SIL1: variants seen among roughly 807,000 people sequenced by gnomAD.
SIL1 encodes nucleotide exchange factor SIL1.
SIL1 carries 40 observed loss-of-function variants against 49.1 expected under a neutral mutation model. That is an observed-to-expected ratio of 0.81 (90% CI 0.63 to 1.06). The LOEUF is 1.06. Ranked by LOEUF, SIL1 falls within the 50% of genes least tolerant of loss-of-function variation. The pLI, the probability that SIL1 is intolerant of heterozygous loss-of-function variation, is 0.00. For missense variants in SIL1, 500 were observed against 572.6 expected (o/e 0.87, Z 1.29); for synonymous variants, 253 against 250.8 (o/e 1.01, Z -0.08).
intron 3 of SIL1, among the ~76,000 whole-genome samples, chr5:139,059,305 C>T (rs1218249829): frequency 1.3e-5 from 2 of 152,112 alleles, no homozygotes; most frequent in Admixed American, 6.5e-5. Context: ...TTCCCCTGCA[C>T]ACGCTCTCTT....
intron 1 of SIL1, among the ~76,000 whole-genome samples, chr5:139,143,234 CAT>C (rs1208789911): frequency 7.7e-6 from 1 of 129,114 alleles, no homozygotes; most frequent in Non-Finnish European, 1.5e-5. Flanking sequence ...AATGTATATA[CAT>C]ATATGTATAT....
chr5:139,152,858 A>G (rs913253033), intron 1 of SIL1, among the ~76,000 whole-genome samples: 3 of 152,126 alleles, frequency 2.0e-5, no homozygotes, highest in Non-Finnish European at 4.4e-5. Flanking sequence ...CTTGTTGCCC[A>G]GGCTAGAGTG....
At chr5:139,157,536 C>A (rs1348596339) in intron 1 of SIL1, among the ~76,000 whole-genome samples, 1 of 152,162 alleles carries the variant, frequency 6.6e-6, no homozygotes, top group Non-Finnish European at 1.5e-5. Context: ...CTCAAGTTAA[C>A]CAATTCTGGA....
Position 139,161,015 on chromosome 5 carries a change from G to C in SIL1, c.-10-33162C>G, listed in dbSNP as rs139880200. Among the ~76,000 whole-genome samples the C allele has an allele frequency of 8.3e-3, 1,266 of 152,172 alleles. 20 individuals carry two copies. Among genetic ancestry groups the C allele is most frequent in the African/African-American group, 0.029 (1,203 of 41,510 alleles). On this transcript the variant is annotated intron_variant, in intron 1 of 9. Transcript: ENST00000394817. ...TCCCAGCAATTTGGGAGGCTGAGGC[G>C]GGTGGATCACCTGAGGTCAGGAGTT...
intron 1 of SIL1, among the ~76,000 whole-genome samples, chr5:139,143,214 TACACATA>T (rs1453091373): frequency 6.8e-6 from 1 of 147,182 alleles, no homozygotes; most frequent in East Asian, 1.9e-4. Context: ...TATGTGTATA[TACACATA>T]TAAATGTATA....
intron 1 of SIL1, among the ~76,000 whole-genome samples, chr5:139,160,198 C>A (rs879445270): frequency 4.7e-5 from 7 of 149,400 alleles, no homozygotes; most frequent in Admixed American, 1.3e-4. Context: ...AAAGTTATAG[C>A]CTGGAGGAGT....
chr5:139,099,923 AAG>A (rs1335232783), intron 3 of SIL1, among the ~76,000 whole-genome samples: 1 of 152,188 alleles, frequency 6.6e-6, no homozygotes, highest in Non-Finnish European at 1.5e-5. Context: ...AAATAACTAA[AAG>A]AGTATAACTG....
At chr5:139,070,516 G>T (rs1298384128) in intron 3 of SIL1, among the ~76,000 whole-genome samples, 2 of 152,128 alleles carry the variant, frequency 1.3e-5, no homozygotes, top group Non-Finnish European at 2.9e-5. Context: ...ACTTCTTAGA[G>T]AAACAGCTAA....
chr5:139,065,016 G>A (rs959231663), intron 3 of SIL1, among the ~76,000 whole-genome samples: 2 of 152,184 alleles, frequency 1.3e-5, no homozygotes, highest in African/African-American at 4.8e-5. Context: ...AAAGACCAGG[G>A]CCATGCCATG....
intron 7 of SIL1, among the ~76,000 whole-genome samples, chr5:138,988,416 G>A (rs911380020): frequency 6.6e-6 from 1 of 152,182 alleles, no homozygotes; most frequent in Non-Finnish European, 1.5e-5. Flanking sequence ...GATGTTTTGT[G>A]AGTCATATTG....
chr5:139,044,671 T>C (rs776685255), intron 4 of SIL1, among the ~76,000 whole-genome samples: 1 of 152,174 alleles, frequency 6.6e-6, no homozygotes, highest in Admixed American at 6.5e-5. Flanking sequence ...TTAAACTTAG[T>C]TCCAGATCGC....
chr5:139,195,791 C>T (rs1420451940), intron 1 of SIL1, among the ~76,000 whole-genome samples: 1 of 152,184 alleles, frequency 6.6e-6, no homozygotes, highest in Non-Finnish European at 1.5e-5. Flanking sequence ...AACTCATGTT[C>T]ACCACCCTCC....
intron 5 of SIL1, among the ~76,000 whole-genome samples, chr5:139,028,218 G>A (rs1439145318): frequency 1.3e-5 from 2 of 151,642 alleles, no homozygotes; most frequent in East Asian, 3.9e-4. Flanking sequence ...AAAAGGTTTT[G>A]GCCGGGCACA....
At chr5:139,029,908 G>T (rs1467209031) in intron 5 of SIL1, among the ~76,000 whole-genome samples, 1 of 151,198 alleles carries the variant, frequency 6.6e-6, no homozygotes, top group Non-Finnish European at 1.5e-5. Context: ...GTCCAGGAGG[G>T]TGAGACTGCA....
intron 2 of SIL1, among the ~76,000 whole-genome samples, chr5:139,125,858 C>T (rs11951084): frequency 0.5 from 75,671 of 152,048 alleles, 20,040 homozygotes; most frequent in African/African-American, 0.68. Context: ...AGCATCTACA[C>T]GCCTCCTGAG....
At chr5:139,040,639 C>T (rs1421404094) in intron 5 of SIL1, among the ~76,000 whole-genome samples, 1 of 151,642 alleles carries the variant, frequency 6.6e-6, no homozygotes, top group Non-Finnish European at 1.5e-5. Flanking sequence ...TCTGGGACTA[C>T]AGACACATAC....
intron 7 of SIL1, among the ~76,000 whole-genome samples, chr5:138,986,389 CTGATTGATT>C (rs1767649938): frequency 1.3e-5 from 2 of 152,294 alleles, no homozygotes; most frequent in South Asian, 2.1e-4. Context: ...ATCACGGACT[CTGATTGATT>C]TAGGACGCAA....
At chr5:138,977,606 G>T (rs1767421595) in intron 7 of SIL1, among the ~76,000 whole-genome samples, 1 of 152,110 alleles carries the variant, frequency 6.6e-6, no homozygotes, top group Non-Finnish European at 1.5e-5. Context: ...CTCCCAAAGT[G>T]CTGGGATTAC....
intron 1 of SIL1, among the ~76,000 whole-genome samples, chr5:139,174,792 G>A (rs192749366): frequency 6.7e-6 from 1 of 150,350 alleles, no homozygotes; most frequent in African/African-American, 2.4e-5. Context: ...ACAAAAATTA[G>A]CCGGGCATCA....
Sources: gnomAD v4.1 joint callset for allele counts (sites outside exome capture counted in the v4.1 genomes callset) on GRCh38, gnomAD v4.1.1 for gene constraint, MANE v1.5 for transcripts, NCBI Gene and HGNC (gene_info 2026-07-23, HGNC 2026-07-21) for gene names.